Variants in SPSB4 observed in about 807,000 individuals in gnomAD.
The protein encoded by SPSB4 is splA/ryanodine receptor domain and SOCS box containing 4.
A neutral mutation model predicts 20.9 loss-of-function variants in SPSB4; 21 were observed. The observed-to-expected ratio is 1.01, with a 90% CI of 0.71 to 1.45. The LOEUF is 1.45. Among genes scored for constraint, SPSB4 ranks in the 40% most tolerant of loss-of-function variants. The probability of loss-of-function intolerance (pLI) is 0.00; values close to 1 mark genes in which losing one functional copy is unlikely to be tolerated. For synonymous variants in SPSB4, 207 were observed against 183.8 expected, an observed-to-expected ratio of 1.13 and a Z score of -1.02; for missense variants, 399 against 399.2, an observed-to-expected ratio of 1.00 and a Z score of 0.00.
In SPSB4 at chr3:141,094,589, A is replaced by C. The variant is rs533218739; in HGVS notation, c.694+27791A>C. On this transcript the variant is annotated intron_variant, in intron 2 of 2. Transcript: ENST00000310546. ...TTTTTAATGACGACCTGAAGAGAAC[A>C]TGGGTTGGATATTGTGTTTACTCCT... Among the ~76,000 whole-genome samples the C allele has an allele frequency of 7.4e-4, 112 of 152,240 alleles. 2 individuals are homozygous for C. The highest frequency in any genetic ancestry group is 2.4e-3 in the African/African-American group (99 of 41,564).
At chr3:141,101,476 A>G (rs1938611843) in intron 2 of SPSB4, among the ~76,000 whole-genome samples, 1 of 152,182 alleles carries the variant, frequency 6.6e-6, no homozygotes, top group Admixed American at 6.5e-5. Flanking sequence ...TACCAGGGGG[A>G]GAGCCCAGCT....
At chr3:141,128,969 A>T (rs1437464566) in intron 2 of SPSB4, among the ~76,000 whole-genome samples, 1 of 152,168 alleles carries the variant, frequency 6.6e-6, no homozygotes, top group Non-Finnish European at 1.5e-5. Context: ...TAACTTTCAG[A>T]CTAGGTGGAC....
At chr3:141,072,783 G>T (rs1938031211) in intron 2 of SPSB4, among the ~76,000 whole-genome samples, 1 of 152,202 alleles carries the variant, frequency 6.6e-6, no homozygotes, top group African/African-American at 2.4e-5. Context: ...AGGGCGTATG[G>T]TGAAATAACC....
At chr3:141,057,522 G>A (rs947673687) in intron 1 of SPSB4, among the ~76,000 whole-genome samples, 1 of 152,134 alleles carries the variant, frequency 6.6e-6, no homozygotes, top group Non-Finnish European at 1.5e-5. Flanking sequence ...TTCCATAGAC[G>A]TTCACCCACC....
At chr3:141,120,017 T>C (rs1938941008) in intron 2 of SPSB4, among the ~76,000 whole-genome samples, 1 of 152,214 alleles carries the variant, frequency 6.6e-6, no homozygotes, top group South Asian at 2.1e-4. Flanking sequence ...AGGGTGTCGA[T>C]TTTAGGTCTT....
intron 2 of SPSB4, among the ~76,000 whole-genome samples, chr3:141,125,461 A>C (rs981818423): frequency 1.3e-5 from 2 of 152,180 alleles, no homozygotes; most frequent in Admixed American, 6.5e-5. Flanking sequence ...GAAGGTTCAG[A>C]ACCCTGAAGA....
intron 2 of SPSB4, among the ~76,000 whole-genome samples, chr3:141,089,333 G>A (rs1295451077): frequency 6.6e-6 from 1 of 152,342 alleles, no homozygotes; most frequent in Admixed American, 6.5e-5. Context: ...ACGTCCAGCA[G>A]GAGTAGAACA....
rs1443610518 is a variant in SPSB4, at chr3:141,066,325, C to T, written c.221C>T (p.Thr74Ile). 2 of 1,570,960 alleles carry T rather than the reference C, an allele frequency of 1.3e-6. No homozygotes were observed. The highest frequency in any genetic ancestry group is 1.4e-5 in the African/African-American group (1 of 73,532). The change falls in exon 2 of 3, where the codon ACC becomes ATC. Residue 74 changes from threonine (T) to isoleucine (I), a missense_variant. Coordinates refer to ENST00000310546, the MANE Select transcript of SPSB4 (RefSeq NM_080862.3). ...NVFVKDDDRL[T>I]FHRHPVAQST... ...TTCGTCAAGGACGACGACCGGCTCA[C>T]CTTCCACCGGCACCCCGTGGCCCAG...
At chr3:141,122,133 T>C (rs757282445) in intron 2 of SPSB4, among the ~76,000 whole-genome samples, 3 of 152,182 alleles carry the variant, frequency 2.0e-5, no homozygotes, top group Non-Finnish European at 2.9e-5. Context: ...ATTGATGCTA[T>C]TCCTTTCGGT....
rs60396514 is a variant in SPSB4, at chr3:141,112,644, CAAAAAAA to C, written c.695-34479_695-34473del. 6.4e-4 allele frequency among the ~76,000 whole-genome samples: 21 copies of C among 32,884 alleles called. 1 individual carries two copies. The South Asian group carries it at 6.7e-3, about 10-fold the overall frequency. 21.6% of individuals were successfully genotyped at this position (32,884 alleles called of 152,430 possible). A position where few individuals can be genotyped will look rare whatever the true frequency, so the allele number is the denominator to read the frequency against. On this transcript the variant is annotated intron_variant, in intron 2 of 2. Coordinates refer to ENST00000310546, the MANE Select transcript of SPSB4 (RefSeq NM_080862.3). The stretch of plus-strand genomic sequence containing the variant: ...TGGGCGACAGAGCGAGACTCCGTCT[CAAAAAAA>C]AAAAAAAAAAAAAAAAAAGACAGAA...
At chr3:141,111,734 G>A (rs1044975298) in intron 2 of SPSB4, among the ~76,000 whole-genome samples, 1 of 152,154 alleles carries the variant, frequency 6.6e-6, no homozygotes, top group African/African-American at 2.4e-5. Flanking sequence ...GAGAGCAAAT[G>A]GAGTGTTTGG....
At chr3:141,089,193 G>GA (rs1938403932) in intron 2 of SPSB4, among the ~76,000 whole-genome samples, 1 of 152,208 alleles carries the variant, frequency 6.6e-6, no homozygotes, top group Non-Finnish European at 1.5e-5. Context: ...GGGTGTGTGT[G>GA]ACAAGTTTTT....
At chr3:141,100,996 T>C (rs553481418) in intron 2 of SPSB4, among the ~76,000 whole-genome samples, 32 of 152,112 alleles carry the variant, frequency 2.1e-4, no homozygotes, top group Non-Finnish European at 4.1e-4. Context: ...GGATGCATGA[T>C]GGCCAAGAAG....
chr3:141,089,324 C>T (rs531789532), intron 2 of SPSB4, among the ~76,000 whole-genome samples: 20 of 152,212 alleles, frequency 1.3e-4, no homozygotes, highest in African/African-American at 2.2e-4. Flanking sequence ...CCAGCCCATA[C>T]GTCCAGCAGG....
chr3:141,068,775 A>G (rs940100112), intron 2 of SPSB4, among the ~76,000 whole-genome samples: 1 of 152,210 alleles, frequency 6.6e-6, no homozygotes, highest in Non-Finnish European at 1.5e-5. Context: ...CCTCTTGGCT[A>G]TTAATTCACT....
At chr3:141,112,842 C>T (rs1262422483) in intron 2 of SPSB4, among the ~76,000 whole-genome samples, 1 of 151,972 alleles carries the variant, frequency 6.6e-6, no homozygotes, top group Non-Finnish European at 1.5e-5. Context: ...CCACTTCTGG[C>T]CTCAAGGAGC....
chr3:141,138,545 C>T (rs560558743), intron 2 of SPSB4, among the ~76,000 whole-genome samples: 175 of 152,232 alleles, frequency 1.1e-3, no homozygotes, highest in South Asian at 1.0e-3. Flanking sequence ...TCTTTGTTCT[C>T]GTTGGTTTCA....
chr3:141,072,044 G>T (rs1938019087), intron 2 of SPSB4, among the ~76,000 whole-genome samples: 1 of 152,246 alleles, frequency 6.6e-6, no homozygotes. Context: ...CCAGCCTCCA[G>T]GACATCTGGA....
chr3:141,147,405 AC>A lies in SPSB4; in HGVS notation c.*138del. On this transcript the variant is annotated 3_prime_UTR_variant, in exon 3 of 3. Transcript: ENST00000310546. ...CCCAGGACACTCAGTTCTTTCAAAG[AC>A]CAGGATGTGGTACCAACTTTGGAAA... 6.9e-7 allele frequency: 1 copy of A among 1,444,832 alleles called. No homozygotes were observed. Among genetic ancestry groups the A allele is most frequent in the Non-Finnish European group, 9.3e-7 (1 of 1,073,814 alleles). The allele number at this position is 1,444,832 out of a possible 1,614,324, so 89.5% of individuals were successfully genotyped here. A position where few individuals can be genotyped will look rare whatever the true frequency, so the allele number is the denominator to read the frequency against.
Sources: allele counts gnomAD v4.1 joint callset (sites outside exome capture counted in the v4.1 genomes callset), GRCh38; gene constraint gnomAD v4.1.1; transcripts MANE v1.5; gene names NCBI Gene and HGNC (gene_info 2026-07-23, HGNC 2026-07-21).